Variants in HTRA1 observed in about 807,000 individuals in gnomAD.
HTRA1 encodes the protein HtrA serine peptidase 1, also known as serine protease HTRA1.
A neutral mutation model predicts 49.7 loss-of-function variants in HTRA1; 26 were observed. The ratio of observed to expected loss-of-function variants is 0.52; its 90% CI spans 0.38 to 0.73. HTRA1 has a LOEUF of 0.73. HTRA1 is among the 30% of genes least tolerant of loss of function. HTRA1 has a pLI of 0.00. For missense variants in HTRA1, 561 were observed against 667.2 expected, an observed-to-expected ratio of 0.84 and a Z score of 1.75; for synonymous variants, 291 against 286.9, an observed-to-expected ratio of 1.01 and a Z score of -0.14.
intron 3 of HTRA1, among the ~76,000 whole-genome samples, chr10:122,495,102 G>T (rs998517667): frequency 3.3e-5 from 5 of 152,184 alleles, no homozygotes; most frequent in Non-Finnish European, 5.9e-5. Flanking sequence ...AAGCGAATCA[G>T]AGAACACAGG....
At position 122,507,298 on chromosome 10, in the gene HTRA1, G is replaced by T; in HGVS notation, c.973-72G>T. On this transcript the variant is annotated intron_variant, in intron 4 of 8. Coordinates refer to ENST00000368984, the MANE Select transcript of HTRA1 (RefSeq NM_002775.5). ...ACTCTAGGCACCGTGCTCAGGAAACGACCAGGCAGGGACATAGATTGAACC... is the reference window on the plus strand; with the variant it reads ...ACTCTAGGCACCGTGCTCAGGAAACTACCAGGCAGGGACATAGATTGAACC... 4.0e-6 allele frequency: 5 copies of T among 1,260,702 alleles called. No homozygotes were observed. The South Asian group carries it at 6.0e-5, about 15-fold the overall frequency. 78.1% of individuals were successfully genotyped at this position (1,260,702 alleles called of 1,614,324 possible). A position where few individuals can be genotyped will look rare whatever the true frequency, so the allele number is the denominator to read the frequency against.
At chr10:122,507,999 T>C (rs963672685) in intron 5 of HTRA1, among the ~76,000 whole-genome samples, 1 of 152,162 alleles carries the variant, frequency 6.6e-6, no homozygotes, top group Non-Finnish European at 1.5e-5. Flanking sequence ...GGGCCATTTA[T>C]AGAGGGCAGC....
In HTRA1 at chr10:122,506,952, T is replaced by C. The variant is rs2097503317; in HGVS notation, c.972+67T>C. The C allele has an allele frequency of 7.2e-7, 1 of 1,396,426 alleles. No individual in the cohort carries two copies. The highest frequency in any genetic ancestry group is 1.2e-5 in the South Asian group (1 of 85,274). 86.5% of individuals were successfully genotyped at this position (1,396,426 alleles called of 1,614,324 possible). On this transcript the variant is annotated intron_variant, in intron 4 of 8. Coordinates refer to ENST00000368984, the MANE Select transcript of HTRA1 (RefSeq NM_002775.5). This position sits in a 1 kb window ranked among gnomAD's most constrained non-coding sequence, Gnocchi z 5.2. ...TTTGCCAGGGGGAGAGGAGTCAGCA[T>C]AGGTCTTAGCCCCTGACTTTGTTGT...
At chr10:122,481,790 T>C (rs1362149570) in intron 1 of HTRA1, among the ~76,000 whole-genome samples, 1 of 152,200 alleles carries the variant, frequency 6.6e-6, no homozygotes, top group Non-Finnish European at 1.5e-5. Context: ...CTCATGATAG[T>C]GAATAAGTCT....
intron 1 of HTRA1, among the ~76,000 whole-genome samples, chr10:122,467,854 G>C (rs1202192885): frequency 6.6e-6 from 1 of 151,964 alleles, no homozygotes; most frequent in African/African-American, 2.4e-5. Flanking sequence ...TTTCCAAAAG[G>C]CTCCTGGAAG....
intron 3 of HTRA1, among the ~76,000 whole-genome samples, chr10:122,497,041 G>A (rs1010229361): frequency 2.0e-5 from 3 of 152,166 alleles, no homozygotes; most frequent in Admixed American, 1.3e-4. Flanking sequence ...ATGCAGTTCC[G>A]TAGCTGGTTT....
In HTRA1 at chr10:122,494,012, T is replaced by G. The variant is rs2097497219; in HGVS notation, c.777+4386T>G. On this transcript the variant is annotated intron_variant, in intron 3 of 8. Coordinates refer to ENST00000368984, the MANE Select transcript of HTRA1 (RefSeq NM_002775.5). The surrounding 1 kb of genome is among the most constrained non-coding windows in gnomAD (Gnocchi z 4.0). Reference sequence around the variant, plus strand: ...CCTGTCCTTCAGGCCTCTGATTAAATTCTGCCTTAGACATCTCTCCCCACC... The same window carrying G: ...CCTGTCCTTCAGGCCTCTGATTAAAGTCTGCCTTAGACATCTCTCCCCACC... Among the ~76,000 whole-genome samples, 1 of 152,112 alleles carries G rather than the reference T, an allele frequency of 6.6e-6. No homozygotes were observed. Among genetic ancestry groups the G allele is most frequent in the Non-Finnish European group, 1.5e-5 (1 of 68,018 alleles).
At chr10:122,503,755 T>C (rs1340891091) in intron 3 of HTRA1, among the ~76,000 whole-genome samples, 2 of 152,148 alleles carry the variant, frequency 1.3e-5, no homozygotes, top group African/African-American at 2.4e-5. Flanking sequence ...TTCACAGAAA[T>C]CCAGGGTTTA....
At chr10:122,501,944 T>C (rs537826677) in intron 3 of HTRA1, among the ~76,000 whole-genome samples, 1 of 147,828 alleles carries the variant, frequency 6.8e-6, no homozygotes, top group African/African-American at 2.5e-5. Flanking sequence ...ATATCTACTC[T>C]ACATACTCCA....
At chr10:122,480,125 G>C (rs1402583782) in intron 1 of HTRA1, among the ~76,000 whole-genome samples, 1 of 152,204 alleles carries the variant, frequency 6.6e-6, no homozygotes, top group Non-Finnish European at 1.5e-5. Flanking sequence ...GTTACAGAAA[G>C]GGAGACTGAG....
At chr10:122,508,526 C>A in intron 5 of HTRA1, 130 bp from the exon 6 acceptor site, 1 of 762,860 alleles carries the variant, frequency 1.3e-6, no homozygotes, top group South Asian at 1.4e-5. Flanking sequence ...CCACGGGGAT[C>A]CCCTCCTTGC....
chr10:122,476,703 T>TG (rs139554863), intron 1 of HTRA1, among the ~76,000 whole-genome samples: 1 of 151,990 alleles, frequency 6.6e-6, no homozygotes, highest in African/African-American at 2.4e-5. Flanking sequence ...GAAATGCAGG[T>TG]GGGGGGGCCT....
At chr10:122,482,854 G>T (rs1390836673) in intron 1 of HTRA1, among the ~76,000 whole-genome samples, 1 of 142,608 alleles carries the variant, frequency 7.0e-6, no homozygotes, top group Non-Finnish European at 1.5e-5. Context: ...GGAGGCAGAG[G>T]TTGCAGTGAA....
chr10:122,468,297 G>A (rs1294035685), intron 1 of HTRA1, among the ~76,000 whole-genome samples: 3 of 152,146 alleles, frequency 2.0e-5, no homozygotes, highest in Non-Finnish European at 2.9e-5. Flanking sequence ...AGATACATAC[G>A]TAGCTCTTAG....
chr10:122,470,318 A>ATGT (rs2097485585), intron 1 of HTRA1, among the ~76,000 whole-genome samples: 1 of 152,198 alleles, frequency 6.6e-6, no homozygotes, highest in Non-Finnish European at 1.5e-5. Flanking sequence ...CAGGGGGACA[A>ATGT]TGATGCTGCC....
At chr10:122,489,371 C>T (rs956575962) in intron 2 of HTRA1, 51 bp from the exon 3 acceptor site, 15 of 1,497,206 alleles carry the variant, frequency 1.0e-5, no homozygotes, top group South Asian at 3.4e-5. Flanking sequence ...TGCGTTGAAG[C>T]GTTCATTTTA....
chr10:122,509,365 A>G (rs2097504570), intron 6 of HTRA1, among the ~76,000 whole-genome samples: 1 of 152,106 alleles, frequency 6.6e-6, no homozygotes, highest in Admixed American at 6.5e-5. Flanking sequence ...GCTGGTGGAG[A>G]TGGTGTGGCC....
At chr10:122,502,503 T>C (rs1473636486) in intron 3 of HTRA1, among the ~76,000 whole-genome samples, 1 of 152,202 alleles carries the variant, frequency 6.6e-6, no homozygotes, top group Non-Finnish European at 1.5e-5. Context: ...ACTGGATCTG[T>C]TTCTACATCT....
rs916277473 is a variant in HTRA1, at chr10:122,514,549, C to T, written c.*190C>T. The T allele has an allele frequency of 4.7e-5, 30 of 632,074 alleles. No homozygotes were observed. Among genetic ancestry groups the T allele is most frequent in the African/African-American group, 3.1e-4 (17 of 55,286 alleles). 39.2% of individuals were successfully genotyped at this position (632,074 alleles called of 1,614,324 possible). A position where few individuals can be genotyped will look rare whatever the true frequency, so the allele number is the denominator to read the frequency against. On this transcript the variant is annotated 3_prime_UTR_variant, in exon 9 of 9. Coordinates refer to ENST00000368984, the MANE Select transcript of HTRA1 (RefSeq NM_002775.5). The stretch of plus-strand genomic sequence containing the variant: ...CAAAACAAATGTAATGTTGCAGATC[C>T]GCAGGCAGAAGCTCTGCCCTTCTGT...
Sources: allele counts gnomAD v4.1 joint callset (sites outside exome capture counted in the v4.1 genomes callset), GRCh38; gene constraint gnomAD v4.1.1; non-coding constraint Gnocchi (gnomAD v3.1); transcripts MANE v1.5; gene names NCBI Gene and HGNC (gene_info 2026-07-23, HGNC 2026-07-21).